The following DDHD1 variants were observed in gnomAD, a reference collection of about 807,000 sequenced individuals.
The protein encoded by DDHD1 is DDHD domain containing 1.
In DDHD1, 49 loss-of-function variants were observed where a neutral mutation model predicts 96.4. The observed-to-expected ratio is 0.51, with a 90% CI of 0.40 to 0.64. The LOEUF is 0.64. Among genes scored for constraint, DDHD1 ranks in the 30% least tolerant of loss-of-function variants. The pLI is 0.00. For synonymous variants in DDHD1, 442 were observed against 446.5 expected (o/e 0.99, Z 0.13); for missense variants, 1,106 against 1,161.2 (o/e 0.95, Z 0.69).
intron 1 of DDHD1, among the ~76,000 whole-genome samples, chr14:53,132,334 A>G (rs1371798519): frequency 3.9e-5 from 6 of 152,106 alleles, no homozygotes; most frequent in Non-Finnish European, 5.9e-5. Flanking sequence ...CATGACCCCC[A>G]TGACTGCATC....
intron 1 of DDHD1, among the ~76,000 whole-genome samples, chr14:53,135,240 T>G (rs1890146716): frequency 6.6e-6 from 1 of 152,208 alleles, no homozygotes; most frequent in Admixed American, 6.5e-5. Flanking sequence ...ATTGTGATCT[T>G]TTCCTGCCCC....
intron 1 of DDHD1, among the ~76,000 whole-genome samples, chr14:53,124,664 T>C (rs1352017992): frequency 6.6e-6 from 1 of 152,202 alleles, no homozygotes; most frequent in African/African-American, 2.4e-5. Flanking sequence ...CTAAATACCA[T>C]TTACTAATTT....
intron 1 of DDHD1, among the ~76,000 whole-genome samples, chr14:53,124,719 T>G (rs992413552): frequency 5.3e-5 from 8 of 152,250 alleles, no homozygotes; most frequent in African/African-American, 1.9e-4. Flanking sequence ...CCTGCATATA[T>G]GTCTTAGTGC....
chr14:53,110,005 T>C (rs192309421), intron 1 of DDHD1, among the ~76,000 whole-genome samples: 33 of 152,222 alleles, frequency 2.2e-4, no homozygotes, highest in Admixed American at 5.2e-4. Context: ...TGGAAAAAAA[T>C]TGAACAAAAC....
intron 1 of DDHD1, among the ~76,000 whole-genome samples, chr14:53,145,183 A>G (rs563921741): frequency 1.3e-5 from 2 of 151,926 alleles, no homozygotes; most frequent in Non-Finnish European, 2.9e-5. Context: ...AGAGCATTCC[A>G]TGGCACGTGT....
chr14:53,151,660 T>A (rs779335747), intron 1 of DDHD1, among the ~76,000 whole-genome samples: 1 of 152,188 alleles, frequency 6.6e-6, no homozygotes. Context: ...AATATGTAAA[T>A]GAGGACCTAA....
Position 53,112,244 on chromosome 14 carries a change from G to A in DDHD1, c.839-8388C>T, listed in dbSNP as rs149766777. Among the ~76,000 whole-genome samples the A allele has an allele frequency of 2.0e-3, 308 of 151,900 alleles. 1 individual carries two copies. The highest frequency in any genetic ancestry group is 7.1e-3 in the African/African-American group (295 of 41,420). The stretch of plus-strand genomic sequence containing the variant: ...ATCCTGGCCAACATGGTGAAACCCC[G>A]TGTCTCTACTAAAAATACAAAAATT... On this transcript the variant is annotated intron_variant, in intron 1 of 12. Transcript: ENST00000673822.
At chr14:53,057,024 A>T (rs1883112187) in intron 9 of DDHD1, among the ~76,000 whole-genome samples, 1 of 152,216 alleles carries the variant, frequency 6.6e-6, no homozygotes, top group African/African-American at 2.4e-5. Flanking sequence ...AAATATTATC[A>T]TCTACATCAT....
intron 1 of DDHD1, among the ~76,000 whole-genome samples, chr14:53,132,523 C>G (rs1201979961): frequency 2.2e-4 from 34 of 152,160 alleles, no homozygotes; most frequent in Non-Finnish European, 4.4e-4. Context: ...GCTCTGCCCC[C>G]CTCCACTACC....
chr14:53,041,212 T>C lies in DDHD1; in HGVS notation c.*5556A>G, dbSNP rs1427748687. The stretch of plus-strand genomic sequence containing the variant: ...TCTTCCTAAAGAATATTCCCCAACA[T>C]ATCCTGACAACTGTTGGGTGGGGAG... On this transcript the variant is annotated 3_prime_UTR_variant, in exon 13 of 13. Coordinates refer to ENST00000673822, the MANE Select transcript of DDHD1 (RefSeq NM_001160148.2). 2.6e-5 allele frequency: 4 copies of C among 152,148 alleles called. No homozygotes were observed. The highest frequency in any genetic ancestry group is 4.8e-5 in the African/African-American group (2 of 41,446). The allele number at this position is 152,148 out of a possible 1,614,324, so 9.4% of individuals were successfully genotyped here.
chr14:53,062,681 A>ATTTCACTCC (rs1269354789), intron 7 of DDHD1, among the ~76,000 whole-genome samples: 3 of 152,178 alleles, frequency 2.0e-5, no homozygotes, highest in Non-Finnish European at 4.4e-5. Flanking sequence ...TAAGTTTTAA[A>ATTTCACTCC]TTTCACTCCT....
At chr14:53,143,688 G>C (rs1232678398) in intron 1 of DDHD1, among the ~76,000 whole-genome samples, 1 of 152,174 alleles carries the variant, frequency 6.6e-6, no homozygotes, top group Non-Finnish European at 1.5e-5. Context: ...TTCAAATAAG[G>C]AAGAGGAACA....
intron 4 of DDHD1, among the ~76,000 whole-genome samples, chr14:53,081,774 C>T (rs1325487425): frequency 6.6e-6 from 1 of 152,038 alleles, no homozygotes; most frequent in Admixed American, 6.5e-5. Flanking sequence ...CACAGGATCG[C>T]TATCATAATT....
In DDHD1 at chr14:53,040,399, A is replaced by G. The variant is rs1881568169; in HGVS notation, c.*6369T>C. 6.6e-6 allele frequency: 1 copy of G among 152,124 alleles called. No homozygotes were observed. 9.4% of individuals were successfully genotyped at this position (152,124 alleles called of 1,614,324 possible). On this transcript the variant is annotated 3_prime_UTR_variant, in exon 13 of 13. Transcript: ENST00000673822. ...AAACTTTTTGGAAGAGTTACCACAA[A>G]CTGTATGATGAGGATTATTTTCTCC...
In DDHD1 at chr14:53,139,685, C is replaced by CAAAACA. The variant is rs563784415; in HGVS notation, c.838+12570_838+12575dup. Among the ~76,000 whole-genome samples the CAAAACA allele has an allele frequency of 2.8e-3, 428 of 151,650 alleles. 1 individual carries two copies. Among genetic ancestry groups the CAAAACA allele is most frequent in the African/African-American group, 9.9e-3 (409 of 41,264 alleles). The stretch of plus-strand genomic sequence containing the variant: ...TCAGCAACAGAGTGAGACCCTGTCT[C>CAAAACA]AAAACAAAAACAAAAACAAAAACAA... On this transcript the variant is annotated intron_variant, in intron 1 of 12. Coordinates refer to ENST00000673822, the MANE Select transcript of DDHD1 (RefSeq NM_001160148.2).
rs35178281 is a variant in DDHD1, at chr14:53,072,052, CAT to C, written c.1503+543_1503+544del. On this transcript the variant is annotated intron_variant, in intron 6 of 12. Coordinates refer to ENST00000673822, the MANE Select transcript of DDHD1 (RefSeq NM_001160148.2). ...AAAATAAGGGTTAAACAAGTTCACA[CAT>C]GTTAGGCAATTAACAAATGTTAGTT... Among the ~76,000 whole-genome samples, 455 of 152,212 alleles carry C rather than the reference CAT, an allele frequency of 3.0e-3. 1 individual carries two copies. Among genetic ancestry groups the C allele is most frequent in the Non-Finnish European group, 4.6e-3 (314 of 67,944 alleles).
intron 1 of DDHD1, among the ~76,000 whole-genome samples, chr14:53,145,253 CT>C (rs1890897117): frequency 6.6e-6 from 1 of 152,022 alleles, no homozygotes; most frequent in Non-Finnish European, 1.5e-5. Flanking sequence ...AGTCCCAGCG[CT>C]GTGGGAGGCT....
At chr14:53,124,970 C>CGTGTGTGG (rs539785173) in intron 1 of DDHD1, among the ~76,000 whole-genome samples, 2 of 151,992 alleles carry the variant, frequency 1.3e-5, no homozygotes, top group Admixed American at 6.6e-5. Flanking sequence ...CTTTCCTCTG[C>CGTGTGTGG]GTGTGTGGGT....
intron 12 of DDHD1, among the ~76,000 whole-genome samples, chr14:53,051,135 C>A (rs1439967939): frequency 3.6e-5 from 5 of 140,140 alleles, no homozygotes; most frequent in Admixed American, 1.4e-4. Context: ...TTGGTTAAAA[C>A]ATTAAAAGAA....
Sources: gnomAD v4.1 joint callset for allele counts (sites outside exome capture counted in the v4.1 genomes callset) on GRCh38, gnomAD v4.1.1 for gene constraint, MANE v1.5 for transcripts, NCBI Gene and HGNC (gene_info 2026-07-23, HGNC 2026-07-21) for gene names.